Variants in NAV2 observed in about 807,000 individuals in gnomAD.
NAV2 encodes neuron navigator 2, also known as helicase, APC down-regulated 1.
A neutral mutation model predicts 223.2 loss-of-function variants in NAV2; 54 were observed. That is an observed-to-expected ratio of 0.24 (90% CI 0.19 to 0.30). The LOEUF (loss-of-function observed/expected upper bound fraction) is 0.30. Ranked by LOEUF, NAV2 falls within the 10% of genes least tolerant of loss-of-function variation. The probability of loss-of-function intolerance (pLI) is 1.00; values close to 1 mark genes in which losing one functional copy is unlikely to be tolerated. For missense variants in NAV2, 2,806 were observed against 3,147.5 expected (o/e 0.89, Z 2.60); for synonymous variants, 1,279 against 1,239.3 (o/e 1.03, Z -0.67).
intron 11 of NAV2, among the ~76,000 whole-genome samples, chr11:20,005,662 A>C (rs2053005683): frequency 1.3e-5 from 2 of 152,108 alleles, no homozygotes. Context: ...ATTTCTGTGC[A>C]CTTCATTGTG....
Position 19,724,995 on chromosome 11 carries a change from G to A in NAV2, c.267+11033G>A, listed in dbSNP as rs545299194. On this transcript the variant is annotated intron_variant, in intron 1 of 37. Transcript: ENST00000349880. ...TGTCAAGCCTCAATTTCCCTGGGTGGTTATAGCATTTCAACACATTGTGCA... is the reference window on the plus strand; with the variant it reads ...TGTCAAGCCTCAATTTCCCTGGGTGATTATAGCATTTCAACACATTGTGCA... Among the ~76,000 whole-genome samples, 24 of 152,342 alleles carry A rather than the reference G, an allele frequency of 1.6e-4. No homozygotes were observed. In the South Asian group the frequency reaches 4.8e-3, roughly 30 times the overall value.
At chr11:20,011,639 A>G (rs1377926211) in intron 11 of NAV2, among the ~76,000 whole-genome samples, 2 of 152,260 alleles carry the variant, frequency 1.3e-5, no homozygotes, top group Non-Finnish European at 2.9e-5. Flanking sequence ...TTGTAGCTAG[A>G]CAGTGTGACT....
intron 1 of NAV2, among the ~76,000 whole-genome samples, chr11:19,543,306 C>T (rs1199059764): frequency 1.3e-5 from 2 of 152,182 alleles, no homozygotes; most frequent in Non-Finnish European, 2.9e-5. Flanking sequence ...GGGCTTCCTG[C>T]TGAAAGTCCT....
At chr11:20,006,399 G>T (rs1013027566) in intron 11 of NAV2, among the ~76,000 whole-genome samples, 1 of 152,056 alleles carries the variant, frequency 6.6e-6, no homozygotes, top group African/African-American at 2.4e-5. Flanking sequence ...AATTGTGGCC[G>T]AATGCAGTGG....
At chr11:19,394,937 T>G (rs961569039) in intron 1 of NAV2, among the ~76,000 whole-genome samples, 5 of 152,152 alleles carry the variant, frequency 3.3e-5, no homozygotes, top group African/African-American at 1.2e-4. Flanking sequence ...AACCAGTACA[T>G]AATCCCGTAA....
intron 10 of NAV2, among the ~76,000 whole-genome samples, chr11:19,949,805 T>G (rs2047236114): frequency 6.6e-6 from 1 of 152,234 alleles, no homozygotes; most frequent in African/African-American, 2.4e-5. Flanking sequence ...GCGCGTTCAC[T>G]GCAGAATCCC....
At chr11:19,954,465 C>G (rs2047662879) in intron 10 of NAV2, among the ~76,000 whole-genome samples, 1 of 152,052 alleles carries the variant, frequency 6.6e-6, no homozygotes, top group South Asian at 2.1e-4. Flanking sequence ...CCAGAAAATA[C>G]CAAAATCTGT....
chr11:19,392,825 C>T (rs1214657032), intron 1 of NAV2, among the ~76,000 whole-genome samples: 1 of 152,204 alleles, frequency 6.6e-6, no homozygotes, highest in Non-Finnish European at 1.5e-5. Flanking sequence ...TAAATCCAGG[C>T]ATAGTGCTGG....
chr11:19,555,012 C>CAAAAA (rs66625282), intron 1 of NAV2, among the ~76,000 whole-genome samples: 8 of 141,554 alleles, frequency 5.7e-5, no homozygotes, highest in African/African-American at 1.9e-4. Context: ...CCATGTTTTG[C>CAAAAA]AAAAAAAAAA....
chr11:19,870,664 G>C (rs1397204363), intron 4 of NAV2, among the ~76,000 whole-genome samples: 2 of 152,208 alleles, frequency 1.3e-5, no homozygotes, highest in African/African-American at 4.8e-5. Flanking sequence ...AGTACCAATT[G>C]TACTTTGCAG....
At chr11:19,890,152 G>A (rs1033548285) in intron 5 of NAV2, among the ~76,000 whole-genome samples, 8 of 152,190 alleles carry the variant, frequency 5.3e-5, no homozygotes, top group Admixed American at 4.6e-4. Flanking sequence ...GGGTATAACT[G>A]TAAATCATTA....
intron 1 of NAV2, among the ~76,000 whole-genome samples, chr11:19,501,280 T>G (rs1209523757): frequency 6.6e-6 from 1 of 152,218 alleles, no homozygotes; most frequent in Admixed American, 6.5e-5. Flanking sequence ...CAGTCCCTTT[T>G]GCGTGTAATA....
At chr11:19,705,220 G>T (rs181292343) in intron 1 of NAV2, among the ~76,000 whole-genome samples, 2 of 152,190 alleles carry the variant, frequency 1.3e-5, no homozygotes, top group East Asian at 3.9e-4. Flanking sequence ...CCTAGAATCT[G>T]AACATACTCA....
In NAV2 at chr11:20,048,964, A is replaced by G. The variant is rs762346489; in HGVS notation, c.4139A>G (p.Asn1380Ser). Reference sequence around the variant, plus strand: ...AGCTCAGCCCACTCGGCCCCTTCCAACAGCCTCACCTGGGGCACCAACGCC... The same window carrying G: ...AGCTCAGCCCACTCGGCCCCTTCCAGCAGCCTCACCTGGGGCACCAACGCC... ...SPSSAHSAPS[N>S]SLTWGTNASS... is the part of the protein sequence containing the mutation. The change falls in exon 15 of 38, where the codon AAC becomes AGC. Residue 1380 changes from asparagine (N) to serine (S), a missense_variant. Asn to Ser is a conservative substitution (Grantham distance 46, BLOSUM62 1). Around this residue, in one of 4 missense-constraint regions of NAV2, gnomAD observed 742 missense variants for 777.9 expected, o/e 0.95. Transcript: ENST00000349880. 1 of 1,614,002 alleles carries G rather than the reference A, an allele frequency of 6.2e-7. No homozygotes were observed. Among genetic ancestry groups the G allele is most frequent in the South Asian group, 1.1e-5 (1 of 91,072 alleles).
rs549736575 is a variant in NAV2, at chr11:19,535,513, C to T, written c.75+184486C>T. Among the ~76,000 whole-genome samples the T allele has an allele frequency of 2.3e-4, 35 of 152,230 alleles. No individual in the cohort carries two copies. The East Asian group carries it at 2.5e-3, about 11-fold the overall frequency. ...AGAAGGGGTGGCTTGCCATTTGTAC[C>T]GGGTGATATACTTTTAATTAAAATG... On this transcript the variant is annotated intron_variant, in intron 1 of 37. Coordinates refer to the NAV2 transcript ENST00000360655.
At chr11:20,113,469 G>A (rs1403430967) in intron 36 of NAV2, among the ~76,000 whole-genome samples, 2 of 152,124 alleles carry the variant, frequency 1.3e-5, no homozygotes, top group Non-Finnish European at 2.9e-5. Context: ...AGATAATTGA[G>A]GCTTAAGAAA....
At chr11:19,594,279 A>G (rs1426568108) in intron 1 of NAV2, among the ~76,000 whole-genome samples, 2 of 152,216 alleles carry the variant, frequency 1.3e-5, no homozygotes, top group African/African-American at 2.4e-5. Context: ...TTGAGGCTCA[A>G]GCACTAGAAC....
chr11:19,941,592 G>A (rs541984816), intron 8 of NAV2, among the ~76,000 whole-genome samples: 9 of 152,034 alleles, frequency 5.9e-5, no homozygotes, highest in South Asian at 4.2e-4. Flanking sequence ...AAATGGGTGG[G>A]TTTTCCTATG....
At chr11:19,556,817 C>T (rs1316053580) in intron 1 of NAV2, among the ~76,000 whole-genome samples, 2 of 152,238 alleles carry the variant, frequency 1.3e-5, no homozygotes, top group East Asian at 3.9e-4. Context: ...GCTAAAACTA[C>T]TGTTATTTGA....
Sources: gnomAD v4.1 joint callset for allele counts (sites outside exome capture counted in the v4.1 genomes callset) on GRCh38, gnomAD v4.1.1 for gene constraint, gnomAD v4.1.1 regional missense constraint, MANE v1.5 for transcripts, NCBI Gene and HGNC (gene_info 2026-07-23, HGNC 2026-07-21) for gene names.